Variants in SMARCA1 observed in about 807,000 individuals in gnomAD.
SMARCA1 encodes the protein SNF2 related chromatin remodeling ATPase 1, also known as SWI/SNF-related matrix-associated actin-dependent regulator of chromatin subfamily A member 1.
In SMARCA1, 17 loss-of-function variants were observed where a neutral mutation model predicts 93.6. That is an observed-to-expected ratio of 0.18 (90% CI 0.12 to 0.27). The LOEUF is 0.27. Among genes scored for constraint, SMARCA1 ranks in the 10% least tolerant of loss-of-function variants. SMARCA1 has a pLI of 1.00. For synonymous variants in SMARCA1, 271 were observed against 271.4 expected (o/e 1.00, Z 0.01); for missense variants, 630 against 819.0 (o/e 0.77, Z 2.82).
chrX:129,459,810 C>T lies in SMARCA1; in HGVS notation c.3030+5710G>A, dbSNP rs192630038. The stretch of plus-strand genomic sequence containing the variant: ...GTTCTATGCCCATTTATTCACTGAA[C>T]GCCTACTCTGGGTCACGTGCTATGC... On this transcript the variant is annotated intron_variant, in intron 23 of 24. Coordinates refer to ENST00000371121, the MANE Select transcript of SMARCA1 (RefSeq NM_001282874.2). 5.6e-4 allele frequency among the ~76,000 whole-genome samples: 63 copies of T among 111,921 alleles called. No individual in the cohort carries two copies. The East Asian group carries it at 0.017, about 30-fold the overall frequency.
intron 20 of SMARCA1, among the ~76,000 whole-genome samples, chrX:129,470,852 G>A (rs914905407): frequency 1.8e-5 from 2 of 111,895 alleles, no homozygotes; most frequent in Non-Finnish European, 3.8e-5. Flanking sequence ...CTGGGTGACA[G>A]AGCGAGACTG....
At chrX:129,451,524 G>A (rs1029325727) in intron 23 of SMARCA1, among the ~76,000 whole-genome samples, 9 of 111,000 alleles carry the variant, frequency 8.1e-5, no homozygotes, top group African/African-American at 2.0e-4. Context: ...ACCTCAAAAT[G>A]AGTATAAATG....
intron 23 of SMARCA1, among the ~76,000 whole-genome samples, chrX:129,450,300 G>A (rs761104500): frequency 5.1e-4 from 57 of 111,934 alleles, no homozygotes; most frequent in Admixed American, 2.4e-3. Flanking sequence ...ACGTGCAGAA[G>A]GTGGCCATCT....
In SMARCA1 at chrX:129,518,068, C is replaced by T. The variant is rs5977098; in HGVS notation, c.261+293G>A. 8.4e-3 allele frequency among the ~76,000 whole-genome samples: 931 copies of T among 111,211 alleles called. 12 individuals are homozygous for T. Among genetic ancestry groups the T allele is most frequent in the African/African-American group, 0.029 (880 of 30,749 alleles). On this transcript the variant is annotated intron_variant, in intron 2 of 24. Coordinates refer to ENST00000371121, the MANE Select transcript of SMARCA1 (RefSeq NM_001282874.2). ...ATTTTCACCTCATAAATAAATATTT[C>T]TAGCTTAAAGCACTTTATTATGGGA...
intron 21 of SMARCA1, among the ~76,000 whole-genome samples, chrX:129,467,176 T>C (rs1399841953): frequency 8.9e-6 from 1 of 112,168 alleles, no homozygotes; most frequent in African/African-American, 3.2e-5. Flanking sequence ...CTTCTCTTAC[T>C]GTAACCAACT....
intron 9 of SMARCA1, among the ~76,000 whole-genome samples, 164 bp downstream of exon 9, chrX:129,504,549 TAAAAAAAAAAAAAAAAAAAAA>T (rs780225300): frequency 8.3e-5 from 2 of 24,214 alleles, no homozygotes; most frequent in African/African-American, 2.9e-4. Flanking sequence ...CATAGAGGAA[TAAAAAAAAAAAAAAAAAAAAA>T]AAAAAAAAAA....
In SMARCA1 at chrX:129,523,183, C is replaced by G. The variant is rs1027117787; in HGVS notation, c.174+14G>C. 11 of 1,208,582 alleles carry G rather than the reference C, an allele frequency of 9.1e-6. No homozygotes were observed. The highest frequency in any genetic ancestry group is 8.9e-6 in the Non-Finnish European group (8 of 893,879). The stretch of plus-strand genomic sequence containing the variant: ...AGGATTTGTCCACCACACACACACC[C>G]CCTTCCTATTTACCTCCTTCTTCTT... On this transcript the variant is annotated intron_variant, in intron 1 of 24. Transcript: ENST00000371121.
intron 15 of SMARCA1, among the ~76,000 whole-genome samples, chrX:129,489,605 C>A (rs890270272): frequency 8.9e-6 from 1 of 112,377 alleles, no homozygotes; most frequent in South Asian, 3.6e-4. Context: ...TCGCCCAAGG[C>A]GGAGTGCAGT....
In SMARCA1 at chrX:129,506,170, C is replaced by A; in HGVS notation, c.1008G>T (p.Leu336Phe). The A allele has an allele frequency of 8.3e-7, 1 of 1,197,967 alleles. No homozygotes were observed. The highest frequency in any genetic ancestry group is 1.7e-5 in the African/African-American group (1 of 57,461). Residue 336 changes from leucine to phenylalanine, a missense_variant, in exon 8 of 25, where the codon TTG (leucine) becomes TTT (phenylalanine). Coordinates refer to ENST00000371121, the MANE Select transcript of SMARCA1 (RefSeq NM_001282874.2). ...TCTGCAAAGGTGTTCCAGTTAGGAGCAAGCGGTTAGTCGACTTGAACTCAC... is the reference window on the plus strand; with the variant it reads ...TCTGCAAAGGTGTTCCAGTTAGGAGAAAGCGGTTAGTCGACTTGAACTCAC... ...IVREFKSTNRLLLTGTPLQNN... is the reference protein window; with the variant it reads ...IVREFKSTNRFLLTGTPLQNN...
chrX:129,450,891 C>T (rs1283302317), intron 23 of SMARCA1, among the ~76,000 whole-genome samples: 1 of 109,688 alleles, frequency 9.1e-6, no homozygotes, highest in Non-Finnish European at 1.9e-5. Context: ...TTTATCTTTC[C>T]AAATAAAATC....
intron 14 of SMARCA1, among the ~76,000 whole-genome samples, chrX:129,491,321 T>C (rs755099387): frequency 2.7e-5 from 3 of 111,713 alleles, no homozygotes; most frequent in South Asian, 7.5e-4. Flanking sequence ...TTGAGAGAAG[T>C]TGTAGCTCTA....
chrX:129,455,346 AAC>A (rs1932561330), intron 23 of SMARCA1, among the ~76,000 whole-genome samples: 1 of 109,443 alleles, frequency 9.1e-6, no homozygotes, highest in South Asian at 4.1e-4. Context: ...TCAGCAAACT[AAC>A]ACAGGAACAG....
intron 17 of SMARCA1, among the ~76,000 whole-genome samples, chrX:129,481,862 C>T (rs1317082657): frequency 4.5e-5 from 5 of 110,442 alleles, no homozygotes; most frequent in Non-Finnish European, 9.5e-5. Flanking sequence ...AATCTTGCTG[C>T]TATGAAGACA....
intron 19 of SMARCA1, among the ~76,000 whole-genome samples, chrX:129,476,992 T>C (rs1291977613): frequency 1.8e-5 from 2 of 111,946 alleles, no homozygotes; most frequent in Non-Finnish European, 3.8e-5. Flanking sequence ...ATCCAGAATG[T>C]ATTCTTATTT....
chrX:129,495,918 G>A (rs1266430520), intron 12 of SMARCA1, among the ~76,000 whole-genome samples: 1 of 104,465 alleles, frequency 9.6e-6, no homozygotes, highest in Admixed American at 1.1e-4. Flanking sequence ...GATTATAGAC[G>A]CGCGCCACCA....
intron 9 of SMARCA1, among the ~76,000 whole-genome samples, chrX:129,500,841 C>T (rs1176093133): frequency 3.6e-5 from 4 of 111,598 alleles, no homozygotes; most frequent in African/African-American, 1.3e-4. Flanking sequence ...TGCGGTCCAT[C>T]GTTGACCATA....
intron 12 of SMARCA1, among the ~76,000 whole-genome samples, chrX:129,493,562 G>C (rs1374721808): frequency 9.0e-6 from 1 of 111,240 alleles, no homozygotes; most frequent in African/African-American, 3.3e-5. Flanking sequence ...AAAGCAGCGT[G>C]GTGTAGTGAG....
intron 19 of SMARCA1, among the ~76,000 whole-genome samples, chrX:129,475,347 C>T (rs996846700): frequency 5.5e-5 from 6 of 109,262 alleles, no homozygotes; most frequent in Non-Finnish European, 9.5e-5. Context: ...GATGAAACCC[C>T]GTCTCTCCTA....
intron 24 of SMARCA1, 122 bp downstream of exon 24, chrX:129,448,211 G>C (rs1048332377): frequency 1.5e-6 from 1 of 663,975 alleles, no homozygotes; most frequent in African/African-American, 2.2e-5. Context: ...AAACAAATTA[G>C]CATTTCATAA....
Sources: allele counts gnomAD v4.1 joint callset (sites outside exome capture counted in the v4.1 genomes callset), GRCh38; gene constraint gnomAD v4.1.1; transcripts MANE v1.5; gene names NCBI Gene and HGNC (gene_info 2026-07-23, HGNC 2026-07-21).